The following PCDHA3 variants were observed in gnomAD, a reference collection of about 807,000 sequenced individuals.
PCDHA3 encodes the protein protocadherin alpha-3.
Under a neutral mutation model 62.2 loss-of-function variants are expected in PCDHA3, and 41 were observed. That is an observed-to-expected ratio of 0.66 (90% CI 0.51 to 0.86). The LOEUF (loss-of-function observed/expected upper bound fraction) is 0.86. Ranked by LOEUF, PCDHA3 falls within the 40% of genes least tolerant of loss-of-function variation. The pLI, the probability that PCDHA3 is intolerant of heterozygous loss-of-function variation, is 0.00. For synonymous variants in PCDHA3, 640 were observed against 555.4 expected (o/e 1.15, Z -2.14); for missense variants, 1,304 against 1,241.2 (o/e 1.05, Z -0.76).
rs2150239887 is a variant in PCDHA3 at position 140,835,629 on chromosome 5, G to A, written c.2394+32038G>A. On this transcript the variant is annotated intron_variant, in intron 1 of 3. Coordinates refer to ENST00000522353, the MANE Select transcript of PCDHA3 (RefSeq NM_018906.3). ...GGTGCTGGACAGCGCTCTGGACCGC[G>A]AGAGTGTGTCCGCCTATGAGCTGGT... 7.4e-6 allele frequency: 12 copies of A among 1,613,910 alleles called. 1 individual carries two copies. The East Asian group carries it at 1.3e-4, about 18-fold the overall frequency.
Position 140,857,860 on chromosome 5 carries a change from G to A in PCDHA3, c.2394+54269G>A, listed in dbSNP as rs532607436. On this transcript the variant is annotated intron_variant, in intron 1 of 3. Transcript: ENST00000522353. ...TGGACGCTGACTCTGGATACAACGC[G>A]TGGCTGTCGTATGAATTGCAGTCGG... 1.9e-6 allele frequency: 3 copies of A among 1,597,882 alleles called. 1 individual carries two copies. Among genetic ancestry groups the A allele is most frequent in the South Asian group, 1.1e-5 (1 of 90,496 alleles).
At chr5:140,870,593 G>C (rs991131905) in intron 1 of PCDHA3, 2 of 1,613,454 alleles carry the variant, frequency 1.2e-6, no homozygotes, top group Admixed American at 3.3e-5. Flanking sequence ...GTGGAGCGGC[G>C]GTTGGGCGAC....
chr5:140,853,383 A>G lies in PCDHA3; in HGVS notation c.2394+49792A>G, dbSNP rs896759512. ...GGATCCAGAGATGGTAAAATTCAAA[A>G]CAGCCTGTCAAGTTCAAAACAGAGA... On this transcript the variant is annotated intron_variant, in intron 1 of 3. Transcript: ENST00000522353. The G allele has an allele frequency of 5.1e-6, 5 of 985,712 alleles. No individual in the cohort carries two copies. In the South Asian group the frequency reaches 2.4e-4, roughly 47 times the overall value. The allele number at this position is 985,712 out of a possible 1,614,324, so 61.1% of individuals were successfully genotyped here. A position where few individuals can be genotyped will look rare whatever the true frequency, so the allele number is the denominator to read the frequency against.
chr5:140,821,558 C>T (rs2150061714), intron 1 of PCDHA3: 1 of 521,892 alleles, frequency 1.9e-6, no homozygotes, highest in East Asian at 3.1e-5. Context: ...CACATGATGT[C>T]GCTGGACACC....
chr5:140,806,701 A>T (rs1763770331), intron 1 of PCDHA3, among the ~76,000 whole-genome samples: 1 of 152,252 alleles, frequency 6.6e-6, no homozygotes, highest in South Asian at 2.1e-4. Flanking sequence ...AGGAATCTGT[A>T]ATGAATTTTT....
intron 1 of PCDHA3, chr5:140,927,156 G>A (rs1261418178): frequency 6.2e-7 from 1 of 1,614,016 alleles, no homozygotes; most frequent in African/African-American, 1.3e-5. Flanking sequence ...AGCTGTGCAG[G>A]GCCAAAGCTG....
At position 140,801,741 on chromosome 5, in the gene PCDHA3, G is replaced by T; in HGVS notation, c.544G>T (p.Val182Phe). The change falls in exon 1 of 4, where the codon GTT becomes TTT. Residue 182 changes from valine to phenylalanine, a missense_variant. By Grantham distance (50) the Val-to-Phe change is conservative. Transcript: ENST00000522353. ...TTCCACTGAATATTTTACCTTGGAC[G>T]TTAAAAGAAATGATGAGGAAATTAA... ...LDSTEYFTLD[V>F]KRNDEEIKSL... 1 of 1,613,948 alleles carries T rather than the reference G, an allele frequency of 6.2e-7. No homozygotes were observed. The highest frequency in any genetic ancestry group is 1.1e-5 in the South Asian group (1 of 91,034).
At chr5:140,835,990 G>T (rs2150249638) in intron 1 of PCDHA3, 1 of 1,613,318 alleles carries the variant, frequency 6.2e-7, no homozygotes, top group East Asian at 2.2e-5. Context: ...TTCCAGGTGA[G>T]CGCGCGCGAT....
chr5:140,829,145 C>T (rs2150162987), intron 1 of PCDHA3: 1 of 1,613,788 alleles, frequency 6.2e-7, no homozygotes, highest in South Asian at 1.1e-5. Flanking sequence ...TGAGATAGCA[C>T]TGACTTCCTT....
chr5:140,886,317 G>A (rs1323122893), intron 1 of PCDHA3, among the ~76,000 whole-genome samples: 2 of 151,612 alleles, frequency 1.3e-5, no homozygotes, highest in Non-Finnish European at 2.9e-5. Context: ...TACACTTTAA[G>A]TTCTGGGATA....
At chr5:140,867,122 T>C (rs2049769007) in intron 1 of PCDHA3, 1 of 152,160 alleles carries the variant, frequency 6.6e-6, no homozygotes. Context: ...TTGTTTTAAT[T>C]CAAATATGTG....
chr5:140,850,964 C>A, intron 1 of PCDHA3: 1 of 1,468,876 alleles, frequency 6.8e-7, no homozygotes, highest in South Asian at 1.4e-5. Context: ...TCCCAGGGGC[C>A]GTTCAAATAG....
intron 1 of PCDHA3, chr5:140,862,344 G>C (rs1303625702): frequency 3.0e-6 from 1 of 333,098 alleles, no homozygotes; most frequent in Non-Finnish European, 5.9e-6. Flanking sequence ...CCTAACTTCA[G>C]TGCCAAGGGA....
intron 1 of PCDHA3, among the ~76,000 whole-genome samples, chr5:140,952,671 A>C (rs1429468287): frequency 6.6e-6 from 1 of 152,176 alleles, no homozygotes; most frequent in Admixed American, 6.5e-5. Context: ...AGTCACTTTC[A>C]CATTTTCAGG....
chr5:140,838,277 C>A (rs1372363386), intron 1 of PCDHA3, among the ~76,000 whole-genome samples: 1 of 74,748 alleles, frequency 1.3e-5, no homozygotes, highest in South Asian at 4.1e-4. Context: ...CCAAGCCATG[C>A]TAATTTTTTT....
At chr5:140,822,799 G>T in intron 1 of PCDHA3, 1 of 1,614,160 alleles carries the variant, frequency 6.2e-7, no homozygotes, top group East Asian at 2.2e-5. Context: ...ACTCCTGGAT[G>T]TGAATGATAA....
At chr5:140,827,119 C>G (rs1259268754) in intron 1 of PCDHA3, among the ~76,000 whole-genome samples, 3 of 151,928 alleles carry the variant, frequency 2.0e-5, no homozygotes, top group Non-Finnish European at 4.4e-5. Flanking sequence ...GTGAAAGTGA[C>G]AATTAGAAAC....
chr5:140,871,113 G>C, intron 1 of PCDHA3: 1 of 1,613,306 alleles, frequency 6.2e-7, no homozygotes. Flanking sequence ...CGTTGGTGGA[G>C]AGCGGACAGG....
chr5:140,872,444 T>C (rs2053673560), intron 1 of PCDHA3, among the ~76,000 whole-genome samples: 2 of 152,002 alleles, frequency 1.3e-5, no homozygotes, highest in Admixed American at 1.3e-4. Flanking sequence ...CTGGACAACA[T>C]AGCGAGATCC....
Sources: gnomAD v4.1 joint callset for allele counts (sites outside exome capture counted in the v4.1 genomes callset) on GRCh38, gnomAD v4.1.1 for gene constraint, MANE v1.5 for transcripts, NCBI Gene and HGNC (gene_info 2026-07-23, HGNC 2026-07-21) for gene names.